Variants in REEP5 observed in about 807,000 individuals in gnomAD.
The protein encoded by REEP5 is receptor expression-enhancing protein 5.
REEP5 carries 24 observed loss-of-function variants against 22.4 expected under a neutral mutation model. The ratio of observed to expected loss-of-function variants is 1.07; its 90% confidence interval spans 0.78 to 1.51. The LOEUF is 1.51. Ranked by LOEUF, REEP5 falls within the 40% of genes most tolerant of loss-of-function variation. The pLI is 0.00. For missense variants in REEP5, 252 were observed against 233.0 expected, an observed-to-expected ratio of 1.08 and a Z score of -0.53; for synonymous variants, 103 against 88.6, an observed-to-expected ratio of 1.16 and a Z score of -0.92.
intron 1 of REEP5, chr5:112,921,754 G>A (rs1377870702): frequency 1.6e-5 from 4 of 249,526 alleles, no homozygotes; most frequent in Non-Finnish European, 2.3e-5. Context: ...GGGCCCCGCC[G>A]TCCGCGCCCA....
intron 2 of REEP5, among the ~76,000 whole-genome samples, chr5:112,906,948 G>C (rs936586119): frequency 6.6e-6 from 1 of 152,202 alleles, no homozygotes; most frequent in Non-Finnish European, 1.5e-5. Flanking sequence ...GAGAAGAAAA[G>C]TTGGACGTAG....
intron 3 of REEP5, chr5:112,893,270 TGTG>T (rs746857778): frequency 1.5e-4 from 41 of 271,488 alleles, no homozygotes; most frequent in Non-Finnish European, 2.8e-4. Context: ...ATTAGCCAGG[TGTG>T]GTGGCAGGCG....
chr5:112,900,317 G>A (rs1283236266), intron 3 of REEP5, among the ~76,000 whole-genome samples: 2 of 152,078 alleles, frequency 1.3e-5, no homozygotes, highest in Non-Finnish European at 2.9e-5. Context: ...CTGTCATATA[G>A]AAATTTAATT....
At chr5:112,916,468 A>G (rs1052803481) in intron 2 of REEP5, among the ~76,000 whole-genome samples, 28 of 152,252 alleles carry the variant, frequency 1.8e-4, no homozygotes, top group Admixed American at 8.5e-4. Flanking sequence ...TCAAAGCTAC[A>G]TAACAGATAA....
chr5:112,916,007 A>G (rs1221040890), intron 2 of REEP5, among the ~76,000 whole-genome samples: 2 of 152,218 alleles, frequency 1.3e-5, no homozygotes, highest in Admixed American at 6.5e-5. Flanking sequence ...GACTAGCTGC[A>G]AAACAGAAAG....
In REEP5 at chr5:112,902,526, G is replaced by A; in HGVS notation, c.213-8C>T. The A allele has an allele frequency of 6.4e-7, 1 of 1,571,836 alleles. No homozygotes were observed. The highest frequency in any genetic ancestry group is 8.6e-7 in the Non-Finnish European group (1 of 1,164,620). On this transcript the variant is annotated splice_region_variant and splice_polypyrimidine_tract_variant and intron_variant, in intron 2 of 4. Transcript: ENST00000379638. Reference sequence around the variant, plus strand: ...CTCTCTATAGCTTTAATTCTGAAAGGCAGTACAAAAGAAAGTATATCATTT... The same window carrying A: ...CTCTCTATAGCTTTAATTCTGAAAGACAGTACAAAAGAAAGTATATCATTT...
intron 3 of REEP5, among the ~76,000 whole-genome samples, chr5:112,901,436 C>T (rs536184050): frequency 2.0e-4 from 31 of 152,148 alleles, no homozygotes; most frequent in African/African-American, 6.0e-4. Flanking sequence ...AGTCCGGGCA[C>T]GGTGGCTCAC....
intron 3 of REEP5, among the ~76,000 whole-genome samples, chr5:112,899,020 GTGTCT>G (rs1768778058): frequency 1.3e-5 from 2 of 152,114 alleles, no homozygotes; most frequent in Non-Finnish European, 1.5e-5. Context: ...ACTTCATATA[GTGTCT>G]TGTCTTTTTT....
At chr5:112,911,612 T>C (rs1440528969) in intron 2 of REEP5, among the ~76,000 whole-genome samples, 1 of 152,228 alleles carries the variant, frequency 6.6e-6, no homozygotes, top group East Asian at 1.9e-4. Context: ...GCAAAATAGA[T>C]CAAATGCTTT....
rs6879615 is a variant in REEP5, at chr5:112,915,129, A to G, written c.212+6034T>C. Among the ~76,000 whole-genome samples the G allele has an allele frequency of 4.3e-3, 654 of 152,294 alleles. 7 individuals carry two copies. Among genetic ancestry groups the G allele is most frequent in the African/African-American group, 0.015 (629 of 41,562 alleles). On this transcript the variant is annotated intron_variant, in intron 2 of 4. Coordinates refer to ENST00000379638, the MANE Select transcript of REEP5 (RefSeq NM_005669.5). Reference sequence around the variant, plus strand: ...TCATTCAAAGTCAGTCCTGAAAAAGAGAAGTCCAGGTCAGAAGGAGATGAG... The same window carrying G: ...TCATTCAAAGTCAGTCCTGAAAAAGGGAAGTCCAGGTCAGAAGGAGATGAG...
intron 2 of REEP5, among the ~76,000 whole-genome samples, chr5:112,905,556 C>A (rs818783): frequency 0.34 from 48,698 of 142,920 alleles, 8,274 homozygotes; most frequent in African/African-American, 0.38. Context: ...AAAAACAAAA[C>A]AAAAAAAAAA....
At chr5:112,897,124 CTG>C (rs1274307429) in intron 3 of REEP5, 2 of 151,956 alleles carry the variant, frequency 1.3e-5, no homozygotes, top group African/African-American at 4.8e-5. Context: ...ACTCAGAATA[CTG>C]TGTTAATTGA....
chr5:112,913,358 AAAGGAAAGAAAGAAGAAAGAAAG>A (rs1769151311), intron 2 of REEP5, among the ~76,000 whole-genome samples: 1 of 141,836 alleles, frequency 7.1e-6, no homozygotes, highest in Non-Finnish European at 1.5e-5. Context: ...AGAAAGAAAG[AAAGGAAAGAAAGAAGAAAGAAAG>A]AGAAAGAAAG....
chr5:112,886,430 A>C (rs960749110), intron 4 of REEP5, among the ~76,000 whole-genome samples: 1 of 152,196 alleles, frequency 6.6e-6, no homozygotes, highest in Non-Finnish European at 1.5e-5. Flanking sequence ...ATGGCTCTTT[A>C]TCATTTCTCC....
intron 1 of REEP5, chr5:112,921,484 C>T (rs1769364510): frequency 1.8e-6 from 1 of 568,372 alleles, no homozygotes; most frequent in Non-Finnish European, 3.1e-6. Context: ...TCCTACCTCC[C>T]GCAGGGGGCC....
chr5:112,883,874 A>G (rs1238534512), intron 4 of REEP5, among the ~76,000 whole-genome samples: 1 of 152,166 alleles, frequency 6.6e-6, no homozygotes, highest in Admixed American at 6.6e-5. Flanking sequence ...CAGGCTAAAA[A>G]GCTCGTCCTT....
Position 112,901,069 on chromosome 5 carries a change from G to A in REEP5, c.351+1311C>T, listed in dbSNP as rs1237730530. ...GCCCAGGCTGGTCTCGAACTCCTGA[G>A]CTCAGGCCATCTGCCCGCCTCGGCC... is the stretch of plus-strand genomic sequence containing the variant. On this transcript the variant is annotated intron_variant, in intron 3 of 4. Transcript: ENST00000379638. Among the ~76,000 whole-genome samples, 5 of 151,962 alleles carry A rather than the reference G, an allele frequency of 3.3e-5. No homozygotes were observed. In the East Asian group the frequency reaches 7.7e-4, roughly 24 times the overall value.
At chr5:112,887,880 TAATA>T (rs1768308986) in intron 3 of REEP5, among the ~76,000 whole-genome samples, 2 of 152,212 alleles carry the variant, frequency 1.3e-5, no homozygotes, top group Non-Finnish European at 2.9e-5. Flanking sequence ...TTGATTCAAA[TAATA>T]AATACCAACT....
chr5:112,902,368 A>C lies in REEP5; in HGVS notation c.351+12T>G. The C allele has an allele frequency of 1.2e-6, 2 of 1,601,644 alleles. No homozygotes were observed. Among genetic ancestry groups the C allele is most frequent in the Non-Finnish European group, 1.7e-6 (2 of 1,175,776 alleles). ...CTGAGATGGAGTTTTAGTGGTAGCAAGACCAACATACCTTCAGCATGTAGT... is the reference window on the plus strand; with the variant it reads ...CTGAGATGGAGTTTTAGTGGTAGCACGACCAACATACCTTCAGCATGTAGT... On this transcript the variant is annotated intron_variant, in intron 3 of 4. Coordinates refer to ENST00000379638, the MANE Select transcript of REEP5 (RefSeq NM_005669.5).
Sources: allele counts gnomAD v4.1 joint callset (sites outside exome capture counted in the v4.1 genomes callset), GRCh38; gene constraint gnomAD v4.1.1; transcripts MANE v1.5; gene names NCBI Gene and HGNC (gene_info 2026-07-23, HGNC 2026-07-21).